CIBAR2: variants seen among roughly 807,000 people sequenced by gnomAD.
CIBAR2 encodes the protein CBY1 interacting BAR domain containing 2.
Under a neutral mutation model 36.2 loss-of-function variants are expected in CIBAR2, and 38 were observed. That is an observed-to-expected ratio of 1.05 (90% CI 0.81 to 1.38). The LOEUF is 1.38. Among genes scored for constraint, CIBAR2 ranks in the 40% most tolerant of loss-of-function variants. The pLI, the probability that CIBAR2 is intolerant of heterozygous loss-of-function variation, is 0.00. For missense variants in CIBAR2, 481 were observed against 383.4 expected (o/e 1.25, Z -2.13); for synonymous variants, 182 against 149.5 (o/e 1.22, Z -1.58).
rs1316685717 is a variant in CIBAR2, at chr16:85,103,600, C to G, written c.538-1273G>C. On this transcript the variant is annotated intron_variant, in intron 6 of 8. Transcript: ENST00000539556. ...GCTCCCTGGTGCTGCCCACCCAGCC[C>G]CAGACACATCAGGTGCTGAATAACG... Among the ~76,000 whole-genome samples the G allele has an allele frequency of 3.9e-5, 6 of 152,336 alleles. No individual in the cohort carries two copies. The East Asian group carries it at 1.2e-3, about 29-fold the overall frequency.
chr16:85,107,204 G>A (rs2074003063), intron 5 of CIBAR2, among the ~76,000 whole-genome samples: 1 of 152,082 alleles, frequency 6.6e-6, no homozygotes, highest in Admixed American at 6.6e-5. Flanking sequence ...TCACAAATCA[G>A]TTACACATAC....
intron 6 of CIBAR2, 50 bp downstream of exon 6, chr16:85,105,277 C>T: frequency 8.8e-7 from 1 of 1,137,086 alleles, no homozygotes; most frequent in African/African-American, 1.5e-5. Context: ...TGCATGCACA[C>T]ACACACAAGG....
At position 85,105,374 on chromosome 16, in the gene CIBAR2, CCAGCTGGAGGGTGGTGCGGCTGGAGTCCA is replaced by C. The variant is rs2073987786; in HGVS notation, c.461_489del (p.Val154GlyfsTer21). The C allele has an allele frequency of 6.2e-7, 1 of 1,613,806 alleles. No individual in the cohort carries two copies. Among genetic ancestry groups the C allele is most frequent in the Non-Finnish European group, 8.5e-7 (1 of 1,180,012 alleles). ...CTCTGGAAGCCATCCACAGTCTCCT[CCAGCTGGAGGGTGGTGCGGCTGGAGTCCA>C]CAGCGGCCCTCTGCACTCTGGTCTC... On this transcript the variant is annotated frameshift_variant, in exon 6 of 9. Transcript: ENST00000539556. LOFTEE classifies it high-confidence loss of function.
At chr16:85,108,516 G>A (rs552520807) in intron 2 of CIBAR2, among the ~76,000 whole-genome samples, 3 of 152,210 alleles carry the variant, frequency 2.0e-5, no homozygotes, top group South Asian at 2.1e-4. Context: ...ACAGGGTGGC[G>A]ATGACAAACC....
In CIBAR2 at chr16:85,103,402, A is replaced by G. The variant is rs116241055; in HGVS notation, c.538-1075T>C. On this transcript the variant is annotated intron_variant, in intron 6 of 8. Coordinates refer to ENST00000539556, the MANE Select transcript of CIBAR2 (RefSeq NM_198491.3). ...TGGCGCAGGCTGGATGGACTAAGAC[A>G]GGTGGTGATGATTAGCTCAAGTTCT... 8.0e-3 allele frequency among the ~76,000 whole-genome samples: 1,219 copies of G among 152,328 alleles called. 16 individuals are homozygous for G. Among genetic ancestry groups the G allele is most frequent in the African/African-American group, 0.028 (1,178 of 41,574 alleles).
intron 8 of CIBAR2, 112 bp from the exon 9 acceptor site, chr16:85,099,458 C>T (rs2073936958): frequency 4.4e-6 from 3 of 686,496 alleles, no homozygotes; most frequent in South Asian, 1.7e-5. Context: ...GATTCTGGAA[C>T]CCGCGGGCCC....
chr16:85,110,704 CTT>C (rs746973381), intron 1 of CIBAR2, among the ~76,000 whole-genome samples: 10 of 93,844 alleles, frequency 1.1e-4, no homozygotes, highest in East Asian at 2.4e-4. Flanking sequence ...CAGACCTGGC[CTT>C]TTTTTTTTTT....
intron 5 of CIBAR2, among the ~76,000 whole-genome samples, chr16:85,106,669 C>A (rs7198346): frequency 1.3e-5 from 2 of 152,036 alleles, no homozygotes; most frequent in African/African-American, 4.8e-5. Context: ...AGGAACCAGC[C>A]CTTTCCACAC....
At chr16:85,103,944 G>A (rs1335285532) in intron 6 of CIBAR2, among the ~76,000 whole-genome samples, 1 of 152,208 alleles carries the variant, frequency 6.6e-6, no homozygotes, top group African/African-American at 2.4e-5. Context: ...CCGCCCCAAC[G>A]GTGTCAACTC....
intron 7 of CIBAR2, among the ~76,000 whole-genome samples, chr16:85,101,045 CAA>C (rs56107645): frequency 2.3e-5 from 3 of 130,260 alleles, no homozygotes; most frequent in African/African-American, 2.7e-5. Flanking sequence ...GACTCCGTCT[CAA>C]AAAAAAAAAA....
chr16:85,103,522 A>G (rs1309495266), intron 6 of CIBAR2, among the ~76,000 whole-genome samples: 1 of 152,152 alleles, frequency 6.6e-6, no homozygotes, highest in Non-Finnish European at 1.5e-5. Context: ...AAGCACTCCC[A>G]CTTTTAAGCT....
At chr16:85,102,798 TG>T (rs1374412895) in intron 6 of CIBAR2, among the ~76,000 whole-genome samples, 1 of 152,210 alleles carries the variant, frequency 6.6e-6, no homozygotes, top group African/African-American at 2.4e-5. Context: ...ATTCCCGCCT[TG>T]TTTCCTTAGA....
At chr16:85,107,210 C>T (rs2074003079) in intron 5 of CIBAR2, among the ~76,000 whole-genome samples, 1 of 152,114 alleles carries the variant, frequency 6.6e-6, no homozygotes, top group Non-Finnish European at 1.5e-5. Context: ...ATCAGTTACA[C>T]ATACAGCAGC....
intron 2 of CIBAR2, among the ~76,000 whole-genome samples, chr16:85,108,638 C>T (rs1471977458): frequency 2.0e-5 from 3 of 152,204 alleles, no homozygotes; most frequent in Middle Eastern, 3.4e-3. Flanking sequence ...TTTGGGAGGC[C>T]GAGGCGGGCA....
At chr16:85,103,398 A>C (rs1487249934) in intron 6 of CIBAR2, among the ~76,000 whole-genome samples, 2 of 152,216 alleles carry the variant, frequency 1.3e-5, no homozygotes, top group Admixed American at 1.3e-4. Context: ...GGATGGACTA[A>C]GACAGGTGGT....
chr16:85,098,512 C>G lies in CIBAR2; in HGVS notation c.*673G>C. The stretch of plus-strand genomic sequence containing the variant: ...GCTTGCCTGAGGGCACACAGCAGAG[C>G]CCACCTGAGGATCCAAGGCCAGCTA... On this transcript the variant is annotated 3_prime_UTR_variant, in exon 9 of 9. Transcript: ENST00000539556. 1 of 986,218 alleles carries G rather than the reference C, an allele frequency of 1.0e-6. No homozygotes were observed. The highest frequency in any genetic ancestry group is 1.2e-6 in the Non-Finnish European group (1 of 830,230). 61.1% of individuals were successfully genotyped at this position (986,218 alleles called of 1,614,324 possible).
intron 2 of CIBAR2, among the ~76,000 whole-genome samples, chr16:85,109,291 T>C (rs2074022302): frequency 6.6e-6 from 1 of 151,978 alleles, no homozygotes. Flanking sequence ...CTAGTACAGG[T>C]GGCCACCCCG....
chr16:85,110,328 C>T lies in CIBAR2; in HGVS notation c.153G>A (p.Lys51=). The change falls in exon 2 of 9, where the codon AAG becomes AAA. Residue 51 remains lysine, a synonymous_variant. Coordinates refer to ENST00000539556, the MANE Select transcript of CIBAR2 (RefSeq NM_198491.3). The stretch of plus-strand genomic sequence containing the variant: ...CGGAGTTGGCAAAGTCGATGAGCTG[C>T]TTGACCAGCTGGTCCGCCTTGTCCC... ...RLRDKADQLV[K]QLIDFANSEN... The T allele has an allele frequency of 6.2e-7, 1 of 1,612,908 alleles. No homozygotes were observed. Among genetic ancestry groups the T allele is most frequent in the Non-Finnish European group, 8.5e-7 (1 of 1,179,426 alleles).
chr16:85,108,608 C>T (rs2074016549), intron 2 of CIBAR2, among the ~76,000 whole-genome samples: 1 of 152,238 alleles, frequency 6.6e-6, no homozygotes, highest in African/African-American at 2.4e-5. Context: ...CGCGATGGCT[C>T]ACGCCTGTAA....
Sources: allele counts gnomAD v4.1 joint callset (sites outside exome capture counted in the v4.1 genomes callset), GRCh38; gene constraint gnomAD v4.1.1; transcripts MANE v1.5; gene names NCBI Gene and HGNC (gene_info 2026-07-23, HGNC 2026-07-21).